Variants in NRG1 observed in about 807,000 individuals in gnomAD.
The protein encoded by NRG1 is pro-neuregulin-1, membrane-bound isoform.
In NRG1, 18 loss-of-function variants were observed where a neutral mutation model predicts 63.8. That is an observed-to-expected ratio of 0.28 (90% CI 0.19 to 0.42). The LOEUF is 0.42. Ranked by LOEUF, NRG1 falls within the 10% of genes least tolerant of loss-of-function variation. The pLI is 1.00. For missense variants in NRG1, 762 were observed against 814.7 expected (o/e 0.94, Z 0.79); for synonymous variants, 302 against 301.3 (o/e 1.00, Z -0.02).
intron 3 of NRG1, among the ~76,000 whole-genome samples, chr8:32,606,898 T>C (rs1361566269): frequency 6.6e-6 from 1 of 152,130 alleles, no homozygotes; most frequent in African/African-American, 2.4e-5. Flanking sequence ...TTGATTCTTC[T>C]GTAACATACT....
chr8:32,144,099 C>T (rs757480554), intron 1 of NRG1, among the ~76,000 whole-genome samples: 59 of 152,210 alleles, frequency 3.9e-4, no homozygotes, highest in Non-Finnish European at 5.9e-4. Flanking sequence ...ACAGGCCAAT[C>T]GGCAGTGGAG....
rs558041479 is a variant in NRG1 at position 32,324,235 on chromosome 8, C to CA, written c.38-271590dup. ...TCTGTGGTTTATGGATGGGAAAACT[C>CA]AAACAGTCTGCTCTTAGATGGTCCT... On this transcript the variant is annotated intron_variant, in intron 1 of 10. Transcript: ENST00000519301. Among the ~76,000 whole-genome samples the CA allele has an allele frequency of 1.2e-3, 188 of 152,304 alleles. 1 individual carries two copies. Among genetic ancestry groups the CA allele is most frequent in the Middle Eastern group, 3.4e-3 (1 of 294 alleles).
intron 1 of NRG1, among the ~76,000 whole-genome samples, chr8:31,917,361 C>T: frequency 6.6e-6 from 1 of 150,834 alleles, no homozygotes; most frequent in Non-Finnish European, 1.5e-5. Context: ...GGTCTTTAAT[C>T]CATCTTGAAT....
chr8:31,652,668 A>G (rs1387898150), intron 1 of NRG1, among the ~76,000 whole-genome samples: 1 of 152,216 alleles, frequency 6.6e-6, no homozygotes, highest in Non-Finnish European at 1.5e-5. Flanking sequence ...CTGTCATTTC[A>G]GATTGACTGT....
intron 1 of NRG1, among the ~76,000 whole-genome samples, chr8:32,151,224 T>C (rs1023022785): frequency 8.5e-5 from 13 of 152,106 alleles, no homozygotes; most frequent in Non-Finnish European, 1.8e-4. Context: ...TGAGAAATAT[T>C]ATTTCTTGAC....
chr8:32,606,475 C>T (rs1845307320), intron 3 of NRG1, among the ~76,000 whole-genome samples: 1 of 151,958 alleles, frequency 6.6e-6, no homozygotes, highest in Admixed American at 6.6e-5. Flanking sequence ...TACAATCCAC[C>T]TCTGACAACT....
chr8:32,772,239 T>A (rs1831874307), downstream of NRG1, among the ~76,000 whole-genome samples: 1 of 151,538 alleles, frequency 6.6e-6, no homozygotes, highest in African/African-American at 2.4e-5. Flanking sequence ...AAACAGAATT[T>A]TTTTTTCTCA....
chr8:31,938,072 T>G (rs986267207), intron 1 of NRG1, among the ~76,000 whole-genome samples: 1 of 152,122 alleles, frequency 6.6e-6, no homozygotes, highest in African/African-American at 2.4e-5. Flanking sequence ...TGATGCACTC[T>G]TGAAAATGAC....
At chr8:32,158,461 A>ATATATATATATATATATATATATATATG (rs1838420092) in intron 1 of NRG1, among the ~76,000 whole-genome samples, 6 of 131,702 alleles carry the variant, frequency 4.6e-5, no homozygotes, top group Admixed American at 2.5e-4. Context: ...ATATATATAT[A>ATATATATATATATATATATATATATATG]TATATATATA....
chr8:31,951,142 A>G (rs1290986449), intron 1 of NRG1, among the ~76,000 whole-genome samples: 1 of 152,216 alleles, frequency 6.6e-6, no homozygotes, highest in African/African-American at 2.4e-5. Context: ...AGTTCTAAAA[A>G]TAAAAGAGTT....
At chr8:31,802,629 A>G (rs974163606) in intron 1 of NRG1, among the ~76,000 whole-genome samples, 3 of 152,170 alleles carry the variant, frequency 2.0e-5, no homozygotes, top group Admixed American at 6.5e-5. Flanking sequence ...CTGTAAAACC[A>G]CATCCTACTG....
At position 31,923,157 on chromosome 8, in the gene NRG1, TA is replaced by T. The variant is rs143717787; in HGVS notation, c.37+283732del. On this transcript the variant is annotated intron_variant, in intron 1 of 10. Coordinates refer to the NRG1 transcript ENST00000519301. ...TCTTTTTTAGAAACCTTCACTATGT[TA>T]AAAAACAGTTTTTTTCTATTTTTTA... Among the ~76,000 whole-genome samples, 1,263 of 152,304 alleles carry T rather than the reference TA, an allele frequency of 8.3e-3. 9 individuals are homozygous for T. Among genetic ancestry groups the T allele is most frequent in the Middle Eastern group, 0.024 (7 of 294 alleles).
intron 1 of NRG1, among the ~76,000 whole-genome samples, chr8:32,418,177 G>T (rs1303941888): frequency 1.3e-5 from 2 of 152,064 alleles, no homozygotes; most frequent in African/African-American, 2.4e-5. Flanking sequence ...TAAATGAGAA[G>T]TTTGTTCATC....
intron 1 of NRG1, among the ~76,000 whole-genome samples, chr8:32,067,711 G>T (rs886152071): frequency 6.6e-6 from 1 of 152,112 alleles, no homozygotes; most frequent in Non-Finnish European, 1.5e-5. Flanking sequence ...CACCTTTGAG[G>T]TGAGGACATT....
At chr8:31,813,080 A>G (rs552042454) in intron 1 of NRG1, among the ~76,000 whole-genome samples, 26 of 152,290 alleles carry the variant, frequency 1.7e-4, no homozygotes, top group African/African-American at 6.3e-4. Context: ...TCATGGATAT[A>G]CTATATGTTG....
rs1364908402 is a variant in NRG1 at position 32,004,932 on chromosome 8, C to T, written c.37+365501C>T. 2.0e-5 allele frequency among the ~76,000 whole-genome samples: 3 copies of T among 150,960 alleles called. No individual in the cohort carries two copies. The South Asian group carries it at 6.2e-4, about 31-fold the overall frequency. ...AATTAATACAAGTGTTCATTTAATA[C>T]AGTGGGAATAACTAAGGAAAAATAG... On this transcript the variant is annotated intron_variant, in intron 1 of 10. Transcript: ENST00000519301.
Position 31,987,627 on chromosome 8 carries a change from G to C in NRG1, c.37+348196G>C, listed in dbSNP as rs545830142. ...TGGGAGGAGGATGAGAATCAAAAAA[G>C]CTACCTATCCGGTACTATGCTCTCT... On this transcript the variant is annotated intron_variant, in intron 1 of 10. Transcript: ENST00000519301. Among the ~76,000 whole-genome samples, 137 of 151,912 alleles carry C rather than the reference G, an allele frequency of 9.0e-4. 1 individual carries two copies. The highest frequency in any genetic ancestry group is 3.4e-3 in the Middle Eastern group (1 of 294).
At chr8:32,765,289 A>G (rs1831336417) in exon 12 of NRG1, 1 of 152,170 alleles carries the variant, frequency 6.6e-6, no homozygotes, top group South Asian at 2.1e-4. Context: ...CATTTCTGAC[A>G]TGTATTTTTC....
At chr8:32,122,297 T>C (rs1213251010) in intron 1 of NRG1, among the ~76,000 whole-genome samples, 1 of 151,942 alleles carries the variant, frequency 6.6e-6, no homozygotes, top group East Asian at 1.9e-4. Context: ...GTGGGACAGC[T>C]CCCAAAAGGG....
Sources: gnomAD v4.1 joint callset for allele counts (sites outside exome capture counted in the v4.1 genomes callset) on GRCh38, gnomAD v4.1.1 for gene constraint, MANE v1.5 for transcripts, NCBI Gene and HGNC (gene_info 2026-07-23, HGNC 2026-07-21) for gene names.